Variants in LMBRD2 observed in about 807,000 individuals in gnomAD.
LMBRD2 encodes G protein-coupled receptor-associated protein LMBRD2.
A neutral mutation model predicts 94.4 loss-of-function variants in LMBRD2; 55 were observed. The ratio of observed to expected loss-of-function variants is 0.58; its 90% CI spans 0.47 to 0.73. LMBRD2 has a LOEUF of 0.73. LMBRD2 is among the 30% of genes least tolerant of loss of function. The probability of loss-of-function intolerance (pLI) is 0.00; values close to 1 mark genes in which losing one functional copy is unlikely to be tolerated. For synonymous variants in LMBRD2, 246 were observed against 272.4 expected, an observed-to-expected ratio of 0.90 and a Z score of 0.95; for missense variants, 640 against 831.9, an observed-to-expected ratio of 0.77 and a Z score of 2.84.
chr5:36,149,870 G>A (rs968927765), intron 1 of LMBRD2, among the ~76,000 whole-genome samples: 8 of 152,232 alleles, frequency 5.3e-5, no homozygotes, highest in South Asian at 2.1e-4. Context: ...TTGCGCCATT[G>A]CACTCCAGCC....
At chr5:36,133,148 C>T (rs575382357) in intron 6 of LMBRD2, among the ~76,000 whole-genome samples, 1 of 152,154 alleles carries the variant, frequency 6.6e-6, no homozygotes, top group African/African-American at 2.4e-5. Context: ...TGGAAGCAAC[C>T]TAAGTGTCCA....
chr5:36,132,588 A>G (rs1235907291), intron 6 of LMBRD2, among the ~76,000 whole-genome samples: 1 of 151,592 alleles, frequency 6.6e-6, no homozygotes. Context: ...ACCAGAATAT[A>G]TAAGGAATTC....
intron 6 of LMBRD2, among the ~76,000 whole-genome samples, chr5:36,126,249 T>C (rs74772241): frequency 0.022 from 3,384 of 152,312 alleles, 118 homozygotes; most frequent in African/African-American, 0.077. Context: ...TAATATGAAC[T>C]AAACAATTTG....
At chr5:36,140,411 C>T (rs531200953) in intron 4 of LMBRD2, among the ~76,000 whole-genome samples, 1 of 152,172 alleles carries the variant, frequency 6.6e-6, no homozygotes, top group Non-Finnish European at 1.5e-5. Context: ...CGGAATAAGC[C>T]CAGCGGGCCT....
intron 9 of LMBRD2, among the ~76,000 whole-genome samples, chr5:36,118,511 CAAG>C (rs1485880661): frequency 1.3e-5 from 2 of 151,744 alleles, no homozygotes; most frequent in African/African-American, 4.8e-5. Flanking sequence ...CATTTAGGAA[CAAG>C]GAGGCATCAT....
chr5:36,111,019 G>T (rs1743591767), intron 14 of LMBRD2, 136 bp downstream of exon 14: 2 of 588,928 alleles, frequency 3.4e-6, no homozygotes, highest in Non-Finnish European at 5.9e-6. Flanking sequence ...TACATTTTTA[G>T]CTAAAAATGT....
intron 16 of LMBRD2, among the ~76,000 whole-genome samples, chr5:36,108,105 G>A (rs1484335778): frequency 6.6e-6 from 1 of 152,102 alleles, no homozygotes; most frequent in African/African-American, 2.4e-5. Context: ...CTGAGGACAA[G>A]AAATATACCT....
At chr5:36,125,837 T>C (rs1743996424) in intron 6 of LMBRD2, among the ~76,000 whole-genome samples, 1 of 152,170 alleles carries the variant, frequency 6.6e-6, no homozygotes, top group African/African-American at 2.4e-5. Context: ...TCTGATTAAC[T>C]GATTATTTAA....
At chr5:36,114,096 T>C (rs1004087273) in intron 13 of LMBRD2, among the ~76,000 whole-genome samples, 4 of 152,212 alleles carry the variant, frequency 2.6e-5, no homozygotes, top group Non-Finnish European at 4.4e-5. Flanking sequence ...AAGGGTGTTT[T>C]GCAGGCTACG....
At chr5:36,144,918 C>T (rs1205398283) in intron 1 of LMBRD2, among the ~76,000 whole-genome samples, 3 of 152,120 alleles carry the variant, frequency 2.0e-5, no homozygotes, top group African/African-American at 7.2e-5. Context: ...TCCATTTCAA[C>T]TGTCAATATT....
intron 4 of LMBRD2, among the ~76,000 whole-genome samples, chr5:36,138,576 A>G (rs556274753): frequency 2.0e-5 from 3 of 152,336 alleles, no homozygotes; most frequent in African/African-American, 7.2e-5. Flanking sequence ...GGGAAGCGTG[A>G]GCGAGGCTTC....
intron 13 of LMBRD2, among the ~76,000 whole-genome samples, 195 bp from the exon 14 acceptor site, chr5:36,111,453 A>T (rs999561301): frequency 5.3e-5 from 8 of 152,072 alleles, no homozygotes; most frequent in African/African-American, 1.9e-4. Context: ...TATGCCCTGT[A>T]CTTCACTGAT....
At chr5:36,126,613 G>GA (rs1454673643) in intron 6 of LMBRD2, among the ~76,000 whole-genome samples, 1 of 152,154 alleles carries the variant, frequency 6.6e-6, no homozygotes, top group Non-Finnish European at 1.5e-5. Context: ...AAAGGTAGAG[G>GA]TGACCTTTTT....
In LMBRD2 at chr5:36,100,524, C is replaced by T. The variant is rs1743326020; in HGVS notation, c.*3522G>A. 6.6e-6 allele frequency: 1 copy of T among 151,902 alleles called. No individual in the cohort carries two copies. Among genetic ancestry groups the T allele is most frequent in the Non-Finnish European group, 1.5e-5 (1 of 67,976 alleles). 9.4% of individuals were successfully genotyped at this position (151,902 alleles called of 1,614,324 possible). A position where few individuals can be genotyped will look rare whatever the true frequency, so the allele number is the denominator to read the frequency against. The stretch of plus-strand genomic sequence containing the variant: ...TTAAAAGTCATGCTATAAACATAGG[C>T]CTCAGAAAGGAAGAAAGGTATAAAG... On this transcript the variant is annotated 3_prime_UTR_variant, in exon 18 of 18. Coordinates refer to ENST00000296603, the MANE Select transcript of LMBRD2 (RefSeq NM_001007527.2).
At chr5:36,107,339 C>G (rs2111841943) in intron 16 of LMBRD2, among the ~76,000 whole-genome samples, 1 of 152,162 alleles carries the variant, frequency 6.6e-6, no homozygotes, top group Non-Finnish European at 1.5e-5. Context: ...TTTGAGCCAC[C>G]TCTGGGTCTG....
At position 36,111,234 on chromosome 5, in the gene LMBRD2, C is replaced by A; in HGVS notation, c.1665G>T (p.Leu555=). Residue 555 remains leucine (L), a synonymous_variant, in exon 14 of 18, where the codon CTG becomes CTT. Transcript: ENST00000296603. Reference sequence around the variant, plus strand: ...CTCCCATAAACTGCTGGAAACCGAGCAGATTCAAACAACGGGTTCCCAAAC... The same window carrying A: ...CTCCCATAAACTGCTGGAAACCGAGAAGATTCAAACAACGGGTTCCCAAAC... ...YFSLGTRCLN[L]LGFQQFMGDD... 6 of 1,611,330 alleles carry A rather than the reference C, an allele frequency of 3.7e-6. No homozygotes were observed. Among genetic ancestry groups the A allele is most frequent in the Non-Finnish European group, 3.4e-6 (4 of 1,178,302 alleles).
chr5:36,148,196 A>C (rs1304583707), intron 1 of LMBRD2, among the ~76,000 whole-genome samples: 1 of 151,712 alleles, frequency 6.6e-6, no homozygotes, highest in Admixed American at 6.6e-5. Flanking sequence ...GAGAGAGTTC[A>C]GTTTAGGACA....
At position 36,143,425 on chromosome 5, in the gene LMBRD2, G is replaced by A; in HGVS notation, c.-57-19C>T. On this transcript the variant is annotated intron_variant, in intron 1 of 17. Coordinates refer to ENST00000296603, the MANE Select transcript of LMBRD2 (RefSeq NM_001007527.2). ...ACCATATCTATAAAGTAAAAAGAAGGTTAAAATGCATCATTAACACAGGAA... is the reference window on the plus strand; with the variant it reads ...ACCATATCTATAAAGTAAAAAGAAGATTAAAATGCATCATTAACACAGGAA... 9.3e-7 allele frequency: 1 copy of A among 1,071,440 alleles called. No individual in the cohort carries two copies. The highest frequency in any genetic ancestry group is 2.6e-5 in the Admixed American group (1 of 39,120). 66.4% of individuals were successfully genotyped at this position (1,071,440 alleles called of 1,614,324 possible). A position where few individuals can be genotyped will look rare whatever the true frequency, so the allele number is the denominator to read the frequency against.
In LMBRD2 at chr5:36,116,504, G is replaced by A. The variant is rs1381967740; in HGVS notation, c.1392C>T (p.Ala464=). ...TATAAGCATCAGTCTGGTGATGTGAGGCCAAATAATAATAGTTAAATACAC... is the reference window on the plus strand; with the variant it reads ...TATAAGCATCAGTCTGGTGATGTGAAGCCAAATAATAATAGTTAAATACAC... ...RIRVFNYYYL[A]SHHQTDAYSL... Residue 464 remains alanine (A), a synonymous_variant, in exon 11 of 18, where the codon GCC becomes GCT. Transcript: ENST00000296603. 1 of 1,612,882 alleles carries A rather than the reference G, an allele frequency of 6.2e-7. No individual in the cohort carries two copies. Among genetic ancestry groups the A allele is most frequent in the African/African-American group, 1.3e-5 (1 of 74,932 alleles).
Sources: gnomAD v4.1 joint callset for allele counts (sites outside exome capture counted in the v4.1 genomes callset) on GRCh38, gnomAD v4.1.1 for gene constraint, MANE v1.5 for transcripts, NCBI Gene and HGNC (gene_info 2026-07-23, HGNC 2026-07-21) for gene names.